Variants in N4BP2L2 observed in about 807,000 individuals in gnomAD.
N4BP2L2 encodes the protein NEDD4-binding protein 2-like 2.
Under a neutral mutation model 56.2 loss-of-function variants are expected in N4BP2L2, and 50 were observed. The observed-to-expected ratio is 0.89, with a 90% CI of 0.71 to 1.13. The LOEUF is 1.13. Among genes scored for constraint, N4BP2L2 ranks in the 50% most tolerant of loss-of-function variants. The pLI is 0.00. For synonymous variants in N4BP2L2, 203 were observed against 223.6 expected (o/e 0.91, Z 0.82); for missense variants, 689 against 693.8 (o/e 0.99, Z 0.08).
At chr13:32,492,162 G>A (rs2087255842) in intron 6 of N4BP2L2, among the ~76,000 whole-genome samples, 1 of 151,312 alleles carries the variant, frequency 6.6e-6, no homozygotes, top group Admixed American at 6.6e-5. Context: ...TCCTAAGCCT[G>A]AAATGAGATA....
At chr13:32,475,139 C>T (rs1382603024) in intron 6 of N4BP2L2, among the ~76,000 whole-genome samples, 1 of 152,136 alleles carries the variant, frequency 6.6e-6, no homozygotes, top group Non-Finnish European at 1.5e-5. Flanking sequence ...TAGATAAATG[C>T]CCTCAGTCTG....
intron 2 of N4BP2L2, among the ~76,000 whole-genome samples, chr13:32,531,961 C>T (rs1463654690): frequency 2.0e-5 from 3 of 152,202 alleles, no homozygotes; most frequent in Admixed American, 6.5e-5. Context: ...ATCTTCAAAA[C>T]CAGCAGTGCA....
At chr13:32,532,693 C>T (rs1217052484) in intron 2 of N4BP2L2, among the ~76,000 whole-genome samples, 2 of 150,148 alleles carry the variant, frequency 1.3e-5, no homozygotes, top group East Asian at 3.9e-4. Context: ...CGGGTTCAAG[C>T]GATTCTCCTG....
chr13:32,463,918 CAAAAAAAAAA>C (rs58685358), intron 6 of N4BP2L2, among the ~76,000 whole-genome samples: 2 of 64,164 alleles, frequency 3.1e-5, no homozygotes, highest in Admixed American at 2.3e-4. Flanking sequence ...TGCCCATGAC[CAAAAAAAAAA>C]AAAAAAAAAA....
chr13:32,533,515 A>ATTTT (rs766383227), intron 2 of N4BP2L2, among the ~76,000 whole-genome samples: 22 of 122,282 alleles, frequency 1.8e-4, no homozygotes, highest in African/African-American at 4.0e-4. Flanking sequence ...AGCATTACTA[A>ATTTT]TTTTTTTTTT....
intron 6 of N4BP2L2, among the ~76,000 whole-genome samples, chr13:32,454,142 A>G (rs143633850): frequency 1.3e-5 from 2 of 152,328 alleles, no homozygotes; most frequent in East Asian, 3.9e-4. Context: ...CTTCTGGCTG[A>G]CACCCAGACT....
At position 32,517,518 on chromosome 13, in the gene N4BP2L2, C is replaced by T. The variant is rs575193396; in HGVS notation, c.*284G>A. On this transcript the variant is annotated 3_prime_UTR_variant, in exon 6 of 6. Coordinates refer to ENST00000267068, the Ensembl canonical transcript of N4BP2L2. ...AAAATAGATAAATTAGTTTAAAATT[C>T]GATTGTAGAAAAACATCCTAGCTCC... 27 of 1,117,018 alleles carry T rather than the reference C, an allele frequency of 2.4e-5. No homozygotes were observed. In the Admixed American group the frequency reaches 5.9e-4, roughly 24 times the overall value. The allele number at this position is 1,117,018 out of a possible 1,614,324, so 69.2% of individuals were successfully genotyped here.
chr13:32,535,908 T>C (rs1243202202), exon 2 of N4BP2L2: 1 of 1,614,136 alleles, frequency 6.2e-7, no homozygotes. Flanking sequence ...CAATGATCTT[T>C]CCAGCATCTT....
intron 2 of N4BP2L2, among the ~76,000 whole-genome samples, chr13:32,534,514 C>T (rs2055981717): frequency 6.6e-6 from 1 of 152,138 alleles, no homozygotes; most frequent in Admixed American, 6.6e-5. Flanking sequence ...GACCTCACTC[C>T]TAACTTCTAT....
Position 32,447,140 on chromosome 13 carries a change from T to C in N4BP2L2, c.366-3014A>G, listed in dbSNP as rs561602305. On this transcript the variant is annotated intron_variant, in intron 6 of 9. Transcript: ENST00000357505. Reference sequence around the variant, plus strand: ...TACTCAGCTGGCAAGGGTTGAGTCCTTTTCATGAGAGCAGTTCTTGGGCCC... The same window carrying C: ...TACTCAGCTGGCAAGGGTTGAGTCCCTTTCATGAGAGCAGTTCTTGGGCCC... 7.1e-4 allele frequency among the ~76,000 whole-genome samples: 108 copies of C among 152,354 alleles called. 1 individual carries two copies. The highest frequency in any genetic ancestry group is 1.3e-4 in the Non-Finnish European group (9 of 68,036).
chr13:32,469,501 G>C (rs920042039), intron 6 of N4BP2L2, among the ~76,000 whole-genome samples: 1 of 152,188 alleles, frequency 6.6e-6, no homozygotes, highest in Non-Finnish European at 1.5e-5. Flanking sequence ...AAGAACCTTG[G>C]TTGCAGGCTC....
At chr13:32,454,391 T>C (rs1297893047) in intron 6 of N4BP2L2, among the ~76,000 whole-genome samples, 2 of 151,788 alleles carry the variant, frequency 1.3e-5, no homozygotes, top group African/African-American at 2.4e-5. Context: ...AAACAACAGT[T>C]ACAACAAGGA....
intron 6 of N4BP2L2, among the ~76,000 whole-genome samples, chr13:32,455,691 GC>G (rs1049034740): frequency 5.9e-5 from 9 of 152,116 alleles, no homozygotes; most frequent in African/African-American, 2.2e-4. Flanking sequence ...CAAAAGACAG[GC>G]TTGCTCAGCC....
intron 6 of N4BP2L2, among the ~76,000 whole-genome samples, chr13:32,469,320 A>G (rs151114905): frequency 2.0e-5 from 3 of 152,328 alleles, no homozygotes; most frequent in Non-Finnish European, 4.4e-5. Flanking sequence ...CATGGGTGGC[A>G]GTGGACAGGT....
At position 32,438,610 on chromosome 13, in the gene N4BP2L2, A is replaced by G. The variant is rs1566008960; in HGVS notation, c.2190+42T>C. 3 of 1,482,098 alleles carry G rather than the reference A, an allele frequency of 2.0e-6. 1 individual carries two copies. Among genetic ancestry groups the G allele is most frequent in the Admixed American group, 1.9e-5 (1 of 53,612 alleles). The allele number at this position is 1,482,098 out of a possible 1,614,324, so 91.8% of individuals were successfully genotyped here. A position where few individuals can be genotyped will look rare whatever the true frequency, so the allele number is the denominator to read the frequency against. On this transcript the variant is annotated intron_variant, in intron 8 of 9. Transcript: ENST00000357505. ...ATGAAACTCCGTCTCAAACAACAACAACAACAAAAATACATACACACACAC... is the reference window on the plus strand; with the variant it reads ...ATGAAACTCCGTCTCAAACAACAACGACAACAAAAATACATACACACACAC...
intron 7 of N4BP2L2, chr13:32,442,284 T>A: frequency 1.9e-6 from 2 of 1,028,510 alleles, no homozygotes; most frequent in Non-Finnish European, 1.4e-6. Context: ...ATCACGAGAT[T>A]AATAAACTGC....
chr13:32,484,002 A>G (rs1421571702), intron 6 of N4BP2L2, among the ~76,000 whole-genome samples: 5 of 151,398 alleles, frequency 3.3e-5, no homozygotes, highest in Admixed American at 2.0e-4. Flanking sequence ...AAAAAAAAAA[A>G]AAAGAAAAGA....
intron 6 of N4BP2L2, among the ~76,000 whole-genome samples, chr13:32,503,157 A>C (rs1489276699): frequency 7.4e-6 from 1 of 135,088 alleles, no homozygotes; most frequent in African/African-American, 2.8e-5. Flanking sequence ...TAGGTGACAG[A>C]GCAAGACTCT....
intron 3 of N4BP2L2, chr13:32,525,510 G>C (rs1276442605): frequency 6.6e-6 from 1 of 152,142 alleles, no homozygotes; most frequent in Non-Finnish European, 1.5e-5. Context: ...ATAGCTGGGT[G>C]TGCTGGTACA....
Sources: gnomAD v4.1 joint callset for allele counts (sites outside exome capture counted in the v4.1 genomes callset) on GRCh38, gnomAD v4.1.1 for gene constraint, MANE v1.5 for transcripts, NCBI Gene and HGNC (gene_info 2026-07-23, HGNC 2026-07-21) for gene names.